PRKAG2: variants seen among roughly 807,000 people sequenced by gnomAD.
The protein encoded by PRKAG2 is 5'-AMP-activated protein kinase subunit gamma-2.
Under a neutral mutation model 69.6 loss-of-function variants are expected in PRKAG2, and 26 were observed. The ratio of observed to expected loss-of-function variants is 0.37; its 90% confidence interval spans 0.27 to 0.52. The LOEUF is 0.52. Among genes scored for constraint, PRKAG2 ranks in the 20% least tolerant of loss-of-function variants. The pLI, the probability that PRKAG2 is intolerant of heterozygous loss-of-function variation, is 0.90. For synonymous variants in PRKAG2, 293 were observed against 285.0 expected (o/e 1.03, Z -0.28); for missense variants, 557 against 740.0 (o/e 0.75, Z 2.87).
chr7:151,626,722 A>G (rs371030793), intron 5 of PRKAG2, among the ~76,000 whole-genome samples: 1 of 149,776 alleles, frequency 6.7e-6, no homozygotes, highest in African/African-American at 2.6e-5. Context: ...ACAAATACAC[A>G]GGGAGGCAAT....
rs201953758 is a variant in PRKAG2, at chr7:151,781,367, C to T, written c.251G>A (p.Arg84Gln). 1.4e-4 allele frequency: 232 copies of T among 1,613,078 alleles called. No individual in the cohort carries two copies. The Admixed American group carries it at 2.0e-3, about 14-fold the overall frequency. Residue 84 changes from arginine to glutamine, a missense_variant, in exon 3 of 16, where the codon CGG becomes CAG. Physicochemically the swap from Arg to Gln is conservative, Grantham distance 43. Coordinates refer to ENST00000287878, the MANE Select transcript of PRKAG2 (RefSeq NM_016203.4). This position sits in a 1 kb window ranked among gnomAD's most constrained non-coding sequence, Gnocchi z 6.1. ...AGGTGCAGACATGGGGCTGGAGGGC[C>T]GGGGCTGGGGGCCTCTGGAGAAGAA... ...KGFFSRGPQP[R>Q]PSSPMSAPVR...
chr7:151,575,902 A>AAAAAAAAAAAAGAAAAG, intron 7 of PRKAG2, among the ~76,000 whole-genome samples: 1 of 151,328 alleles, frequency 6.6e-6, no homozygotes, highest in Non-Finnish European at 1.5e-5. Flanking sequence ...GCGGCAAAAA[A>AAAAAAAAAAAAGAAAAG]AAAAAAAAAA....
chr7:151,632,271 G>A lies in PRKAG2; in HGVS notation c.685-133C>T. ...GGAGGAGGGGCCTGGCAGGGGACGCGGGCAGCGGGGGCCGGGGGCGGAGCG... is the reference window on the plus strand; with the variant it reads ...GGAGGAGGGGCCTGGCAGGGGACGCAGGCAGCGGGGGCCGGGGGCGGAGCG... On this transcript the variant is annotated intron_variant, in intron 4 of 15. Transcript: ENST00000287878. This position sits in a 1 kb window ranked among gnomAD's most constrained non-coding sequence, Gnocchi z 4.2. 6.9e-6 allele frequency: 7 copies of A among 1,015,326 alleles called. No individual in the cohort carries two copies. The highest frequency in any genetic ancestry group is 1.7e-5 in the African/African-American group (1 of 57,510). 62.9% of individuals were successfully genotyped at this position (1,015,326 alleles called of 1,614,324 possible).
rs542639013 is a variant in PRKAG2 at position 151,681,182 on chromosome 7, G to A, written c.467-5545C>T. ...AGTCCCAAAGGAGGTGAGAGAGGTG[G>A]CGGGATGCAGGAGTGAACCTCTGGG... On this transcript the variant is annotated intron_variant, in intron 3 of 15. Transcript: ENST00000287878. Among the ~76,000 whole-genome samples the A allele has an allele frequency of 3.3e-5, 5 of 152,364 alleles. No homozygotes were observed. The East Asian group carries it at 9.6e-4, about 29-fold the overall frequency.
intron 5 of PRKAG2, among the ~76,000 whole-genome samples, chr7:151,612,876 C>T (rs1819196693): frequency 6.6e-6 from 1 of 152,214 alleles, no homozygotes; most frequent in Non-Finnish European, 1.5e-5. Context: ...TAGAGCCAGT[C>T]CCCTTGGGTG....
intron 1 of PRKAG2, among the ~76,000 whole-genome samples, chr7:151,826,180 T>C (rs565025848): frequency 3.3e-5 from 5 of 150,256 alleles, no homozygotes; most frequent in East Asian, 2.0e-4. Context: ...TCCACTTTTT[T>C]TTTTGTTGTT....
intron 10 of PRKAG2, 38 bp downstream of exon 10, chr7:151,570,133 T>C: frequency 2.5e-6 from 4 of 1,579,994 alleles, no homozygotes; most frequent in Non-Finnish European, 3.4e-6. Flanking sequence ...CACATACATC[T>C]GAATGAATGT....
chr7:151,640,969 G>A (rs890160538), intron 4 of PRKAG2, among the ~76,000 whole-genome samples: 4 of 152,162 alleles, frequency 2.6e-5, no homozygotes, highest in Admixed American at 6.5e-5. Context: ...GGGTTTAGAA[G>A]TTATTTCACT....
chr7:151,588,621 A>G (rs4726056), intron 6 of PRKAG2, among the ~76,000 whole-genome samples: 29,722 of 151,852 alleles, frequency 0.2, 3,584 homozygotes, highest in African/African-American at 0.34. Flanking sequence ...CGGCCTCCCA[A>G]AGTGCTGGGA....
At chr7:151,810,344 G>A (rs189894859) in intron 1 of PRKAG2, 18 of 152,374 alleles carry the variant, frequency 1.2e-4, no homozygotes, top group East Asian at 5.8e-4. Flanking sequence ...CAAGGTTTCC[G>A]AGGCTTGGTG....
chr7:151,692,093 T>G (rs1439852610), intron 3 of PRKAG2, among the ~76,000 whole-genome samples: 1 of 151,840 alleles, frequency 6.6e-6, no homozygotes, highest in Non-Finnish European at 1.5e-5. Flanking sequence ...GAGGCTGAGG[T>G]GTGAGGATTA....
chr7:151,747,768 G>C (rs1242388973), intron 3 of PRKAG2, among the ~76,000 whole-genome samples: 1 of 152,060 alleles, frequency 6.6e-6, no homozygotes, highest in Non-Finnish European at 1.5e-5. Context: ...CCACTTGATT[G>C]TTCACTCTTT....
intron 1 of PRKAG2, among the ~76,000 whole-genome samples, chr7:151,795,909 T>A (rs2077511224): frequency 7.4e-6 from 1 of 134,560 alleles, no homozygotes; most frequent in Admixed American, 7.3e-5. Context: ...TATGTATATG[T>A]AATCATGTTA....
At chr7:151,839,322 G>T (rs1239976381) in intron 1 of PRKAG2, among the ~76,000 whole-genome samples, 1 of 152,220 alleles carries the variant, frequency 6.6e-6, no homozygotes, top group Admixed American at 6.5e-5. Context: ...AGGCAGCGTG[G>T]CCGGGCACCG....
intron 3 of PRKAG2, among the ~76,000 whole-genome samples, chr7:151,711,028 C>T (rs118167775): frequency 1.3e-5 from 2 of 152,234 alleles, no homozygotes; most frequent in East Asian, 3.9e-4. Context: ...GGTTAGAGTA[C>T]TAAGAGTGCT....
intron 1 of PRKAG2, among the ~76,000 whole-genome samples, chr7:151,857,465 G>A (rs1187268195): frequency 6.6e-6 from 1 of 150,980 alleles, no homozygotes; most frequent in African/African-American, 2.4e-5. Context: ...TGGTTGGAAA[G>A]CAACAGCCCA....
intron 1 of PRKAG2, among the ~76,000 whole-genome samples, chr7:151,819,568 G>A (rs2078721235): frequency 6.6e-6 from 1 of 152,216 alleles, no homozygotes; most frequent in Non-Finnish European, 1.5e-5. Context: ...AGAACTAATA[G>A]TTCTAAAACT....
At chr7:151,870,105 T>G (rs2080177933) in intron 1 of PRKAG2, among the ~76,000 whole-genome samples, 1 of 129,302 alleles carries the variant, frequency 7.7e-6, no homozygotes. Context: ...GCTGAAAAGG[T>G]GCAGATGATA....
Position 151,675,647 on chromosome 7 carries a change from A to C in PRKAG2, c.467-10T>G, listed in dbSNP as rs727503378. 1.9e-6 allele frequency: 3 copies of C among 1,606,852 alleles called. No individual in the cohort carries two copies. The highest frequency in any genetic ancestry group is 2.6e-6 in the Non-Finnish European group (3 of 1,173,536). ...GAGGAGAGGCCGGAGGCTGCAGAAG[A>C]AACACCAAGGACGGTCAGAGGTCCG... On this transcript the variant is annotated splice_polypyrimidine_tract_variant and intron_variant, in intron 3 of 15. Coordinates refer to ENST00000287878, the MANE Select transcript of PRKAG2 (RefSeq NM_016203.4).
Sources: allele counts gnomAD v4.1 joint callset (sites outside exome capture counted in the v4.1 genomes callset), GRCh38; gene constraint gnomAD v4.1.1; non-coding constraint Gnocchi (gnomAD v3.1); transcripts MANE v1.5; gene names NCBI Gene and HGNC (gene_info 2026-07-23, HGNC 2026-07-21).